RPH3AL: variants seen among roughly 807,000 people sequenced by gnomAD.
RPH3AL encodes rabphilin 3A like (without C2 domains).
A neutral mutation model predicts 43.1 loss-of-function variants in RPH3AL; 38 were observed. That is an observed-to-expected ratio of 0.88 (90% CI 0.68 to 1.15). RPH3AL has a LOEUF of 1.15. Ranked by LOEUF, RPH3AL falls within the 50% of genes most tolerant of loss-of-function variation. The pLI is 0.00. For synonymous variants in RPH3AL, 189 were observed against 176.3 expected (o/e 1.07, Z -0.57); for missense variants, 462 against 423.2 (o/e 1.09, Z -0.81).
At chr17:272,762 TCACACACACA>T (rs71143491) in intron 6 of RPH3AL, among the ~76,000 whole-genome samples, 1 of 145,754 alleles carries the variant, frequency 6.9e-6, no homozygotes, top group South Asian at 2.2e-4. Flanking sequence ...ATTATTTAAG[TCACACACACA>T]CACACACACA....
rs569601210 is a variant in RPH3AL, at chr17:275,616, C to T, written c.438+6152G>A. On this transcript the variant is annotated intron_variant, in intron 6 of 9. Transcript: ENST00000331302. The stretch of plus-strand genomic sequence containing the variant: ...AGGCTGGAGTACATTGGTGCAATTA[C>T]GGTTCACCGCAGCCTCGACCTCTGG... Among the ~76,000 whole-genome samples the T allele has an allele frequency of 1.2e-4, 18 of 152,284 alleles. No homozygotes were observed. The East Asian group carries it at 2.9e-3, about 25-fold the overall frequency.
At chr17:321,188 C>T (rs965338184) in intron 4 of RPH3AL, 84 bp downstream of exon 4, 1 of 1,491,738 alleles carries the variant, frequency 6.7e-7, no homozygotes, top group Admixed American at 1.9e-5. Context: ...AAACCAGGAC[C>T]CGGAGTGCCG....
chr17:248,640 G>C (rs1301061689), intron 6 of RPH3AL, among the ~76,000 whole-genome samples: 1 of 152,266 alleles, frequency 6.6e-6, no homozygotes, highest in Admixed American at 6.5e-5. Context: ...TGGGCTCTGA[G>C]GGGTCCCTCT....
rs9891792 is a variant in RPH3AL, at chr17:289,543, T to C, written c.352-7689A>G. On this transcript the variant is annotated intron_variant, in intron 5 of 9. Coordinates refer to ENST00000331302, the MANE Select transcript of RPH3AL (RefSeq NM_006987.4). The surrounding 1 kb of genome is among the most constrained non-coding windows in gnomAD (Gnocchi z 5.2). ...TTCCCGACATGGCAGCCAGGCCGAT[T>C]TTCTCAAGAGGCAAATCTAATCATG... Among the ~76,000 whole-genome samples, 147,941 of 152,294 alleles carry C rather than the reference T, an allele frequency of 0.97. 71,994 individuals are homozygous for C. The highest frequency in any genetic ancestry group is 1 in the East Asian group (5,178 of 5,178).
At position 322,740 on chromosome 17, in the gene RPH3AL, C is replaced by T. The variant is rs1300883298; in HGVS notation, c.78-1325G>A. On this transcript the variant is annotated intron_variant, in intron 3 of 9. Coordinates refer to ENST00000331302, the MANE Select transcript of RPH3AL (RefSeq NM_006987.4). This position sits in a 1 kb window ranked among gnomAD's most constrained non-coding sequence, Gnocchi z 4.0. ...CTGACACAAGATGGGCCCCGGTGGT[C>T]TCATGTCCTGCCTGGTCCCGGCTGT... 3.3e-5 allele frequency among the ~76,000 whole-genome samples: 5 copies of T among 152,006 alleles called. No homozygotes were observed. The highest frequency in any genetic ancestry group is 2.9e-5 in the Non-Finnish European group (2 of 67,992).
chr17:223,922 C>T (rs1308207566), intron 7 of RPH3AL, among the ~76,000 whole-genome samples: 1 of 151,170 alleles, frequency 6.6e-6, no homozygotes, highest in African/African-American at 2.4e-5. Context: ...GGCCAGCACA[C>T]AGTAGGTTCA....
At position 319,481 on chromosome 17, in the gene RPH3AL, A is replaced by G; in HGVS notation, c.290T>C (p.Leu97Pro). 2 of 1,612,722 alleles carry G rather than the reference A, an allele frequency of 1.2e-6. No individual in the cohort carries two copies. Among genetic ancestry groups the G allele is most frequent in the African/African-American group, 1.3e-5 (1 of 75,038 alleles). Residue 97 changes from leucine to proline, a missense_variant, in exon 5 of 10, where the codon CTC (leucine) becomes CCC (proline). Physicochemically the swap from Leu to Pro is moderately conservative, Grantham distance 98 (BLOSUM62 -3). Coordinates refer to ENST00000331302, the MANE Select transcript of RPH3AL (RefSeq NM_006987.4). The stretch of plus-strand genomic sequence containing the variant: ...CAGGAAGCCCAGCACCTCCCCGCAG[A>G]GCAGACACTGGGACAGGCCGTTCCC... ...VMGNGLSQCL[L>P]CGEVLGFLGS...
rs140806642 is a variant in RPH3AL at position 276,782 on chromosome 17, A to C, written c.438+4986T>G. On this transcript the variant is annotated intron_variant, in intron 6 of 9. Coordinates refer to ENST00000331302, the MANE Select transcript of RPH3AL (RefSeq NM_006987.4). ...TATTCGCTCTCATTTTCTGGGTACC[A>C]ATTCTCCAAGCTGTTATATTTTCCA... Among the ~76,000 whole-genome samples, 628 of 152,310 alleles carry C rather than the reference A, an allele frequency of 4.1e-3. 4 individuals are homozygous for C. The highest frequency in any genetic ancestry group is 0.014 in the African/African-American group (601 of 41,566).
At chr17:223,303 A>G (rs2041034018) in intron 7 of RPH3AL, among the ~76,000 whole-genome samples, 1 of 152,174 alleles carries the variant, frequency 6.6e-6, no homozygotes, top group South Asian at 2.1e-4. Context: ...ATATCATTGC[A>G]ATACCAAGTA....
intron 5 of RPH3AL, among the ~76,000 whole-genome samples, chr17:312,738 C>T (rs1337136539): frequency 6.6e-6 from 1 of 152,190 alleles, no homozygotes; most frequent in African/African-American, 2.4e-5. Context: ...GCTTAATGAC[C>T]CCATTTTACA....
Position 319,563 on chromosome 17 carries a change from C to T in RPH3AL, c.222-14G>A. On this transcript the variant is annotated splice_polypyrimidine_tract_variant and intron_variant, in intron 4 of 9. Transcript: ENST00000331302. ...TCCACCAGCCGCCTGCAGCACAGGA[C>T]ACAGAGTCAGAGGGACTGTGCTTCC... 2 of 1,609,288 alleles carry T rather than the reference C, an allele frequency of 1.2e-6. No homozygotes were observed. The highest frequency in any genetic ancestry group is 1.7e-6 in the Non-Finnish European group (2 of 1,179,832).
chr17:295,931 G>A (rs75868590), intron 5 of RPH3AL, among the ~76,000 whole-genome samples: 1,338 of 99,992 alleles, frequency 0.013, no homozygotes, highest in Non-Finnish European at 0.021. Context: ...CAGTGTGGGA[G>A]GGACACAGAT....
At chr17:292,691 C>T (rs928594848) in intron 5 of RPH3AL, among the ~76,000 whole-genome samples, 23 of 152,262 alleles carry the variant, frequency 1.5e-4, no homozygotes, top group African/African-American at 5.3e-4. Flanking sequence ...CCTCCCCACC[C>T]CGAGGTAAGG....
chr17:248,551 C>A (rs1381886678), intron 6 of RPH3AL, among the ~76,000 whole-genome samples: 2 of 152,166 alleles, frequency 1.3e-5, no homozygotes, highest in African/African-American at 2.4e-5. Flanking sequence ...CAAAGGCTGG[C>A]AGAGCCCCAG....
chr17:321,448 C>T, intron 3 of RPH3AL, 33 bp from the exon 4 acceptor site: 1 of 1,535,596 alleles, frequency 6.5e-7, no homozygotes, highest in Non-Finnish European at 8.8e-7. Flanking sequence ...GGCGTGGAGG[C>T]CTCCCCGGTG....
Position 260,917 on chromosome 17 carries a change from G to A in RPH3AL, c.439-13632C>T, listed in dbSNP as rs150118566. The stretch of plus-strand genomic sequence containing the variant: ...CCTTCTCCCTTCCCTGGACTAGCTC[G>A]TCTCCAGCCTTTGGGAAATCACTTT... On this transcript the variant is annotated intron_variant, in intron 6 of 9. Transcript: ENST00000331302. Among the ~76,000 whole-genome samples the A allele has an allele frequency of 1.7e-3, 260 of 152,140 alleles. 1 individual carries two copies. Among genetic ancestry groups the A allele is most frequent in the Middle Eastern group, 3.4e-3 (1 of 294 alleles).
chr17:279,468 A>T (rs1193594230), intron 6 of RPH3AL, among the ~76,000 whole-genome samples: 4 of 152,204 alleles, frequency 2.6e-5, no homozygotes, highest in Non-Finnish European at 5.9e-5. Flanking sequence ...TAGGAAAGAT[A>T]AGAAAATTCA....
At chr17:315,183 GTAGTCCCTGTGCTCCACCTCCATTC>G (rs1567509426) in intron 5 of RPH3AL, among the ~76,000 whole-genome samples, 2 of 98,614 alleles carry the variant, frequency 2.0e-5, no homozygotes, top group Non-Finnish European at 1.9e-5. Flanking sequence ...CCATTCACCT[GTAGTCCCTGTGCTCCACCTCCATTC>G]ACCTGTAGTC....
intron 1 of RPH3AL, among the ~76,000 whole-genome samples, chr17:334,267 A>G (rs2044879146): frequency 6.6e-6 from 1 of 152,370 alleles, no homozygotes; most frequent in East Asian, 1.9e-4. Context: ...CAGCAGCCAC[A>G]GCACAGTGAG....
Sources: gnomAD v4.1 joint callset for allele counts (sites outside exome capture counted in the v4.1 genomes callset) on GRCh38, gnomAD v4.1.1 for gene constraint, Gnocchi (gnomAD v3.1) non-coding constraint, MANE v1.5 for transcripts, NCBI Gene and HGNC (gene_info 2026-07-23, HGNC 2026-07-21) for gene names.